Variants in IQCE observed in about 807,000 individuals in gnomAD.
The protein encoded by IQCE is IQ domain-containing protein E.
In IQCE, 115 loss-of-function variants were observed where a neutral mutation model predicts 96.0. That is an observed-to-expected ratio of 1.20 (90% confidence interval 1.03 to 1.40). The LOEUF (loss-of-function observed/expected upper bound fraction) is 1.40, where lower values mean the gene tolerates loss of function less well. IQCE is among the 40% of genes most tolerant of loss of function. The probability of loss-of-function intolerance (pLI) is 0.00; values close to 1 mark genes in which losing one functional copy is unlikely to be tolerated. For synonymous variants in IQCE, 412 were observed against 371.2 expected, an observed-to-expected ratio of 1.11 and a Z score of -1.26; for missense variants, 1,041 against 909.1, an observed-to-expected ratio of 1.15 and a Z score of -1.87.
chr7:2,568,820 TC>T, intron 2 of IQCE, 133 bp from the exon 3 acceptor site: 1 of 765,770 alleles, frequency 1.3e-6, no homozygotes, highest in Non-Finnish European at 2.2e-6. Flanking sequence ...TCCTGGACCC[TC>T]CTTACGTCCC....
intron 18 of IQCE, 138 bp downstream of exon 18, chr7:2,601,602 T>C: frequency 1.4e-6 from 1 of 722,620 alleles, no homozygotes; most frequent in South Asian, 1.5e-5. Context: ...CAGCCTGGAG[T>C]GCAGTGGTGC....
chr7:2,562,774 T>C (rs1218229931), intron 1 of IQCE, among the ~76,000 whole-genome samples: 1 of 152,130 alleles, frequency 6.6e-6, no homozygotes, highest in Non-Finnish European at 1.5e-5. Context: ...TTCTTTTACT[T>C]CCTTTGAGTT....
chr7:2,598,329 GCT>G (rs1784199220), intron 16 of IQCE, 134 bp from the exon 17 acceptor site: 2 of 827,630 alleles, frequency 2.4e-6, no homozygotes, highest in African/African-American at 3.5e-5. Context: ...GTGTGGAACA[GCT>G]CTCTCCTCCA....
chr7:2,580,617 A>C (rs946030669), intron 8 of IQCE, among the ~76,000 whole-genome samples: 3 of 152,212 alleles, frequency 2.0e-5, no homozygotes, highest in Non-Finnish European at 4.4e-5. Flanking sequence ...TGTCTCAAAA[A>C]AAAAAAAGTG....
At chr7:2,576,738 C>G (rs1583420632) in intron 6 of IQCE, among the ~76,000 whole-genome samples, 1 of 152,296 alleles carries the variant, frequency 6.6e-6, no homozygotes, top group African/African-American at 2.4e-5. Context: ...CACGTCACCA[C>G]AAATTGGTAA....
intron 17 of IQCE, 103 bp downstream of exon 17, chr7:2,598,735 GC>G: frequency 9.5e-7 from 1 of 1,052,128 alleles, no homozygotes; most frequent in Non-Finnish European, 1.3e-6. Context: ...GGCCAGCCAG[GC>G]CCCAGGTGTC....
rs973828207 is a variant in IQCE at position 2,589,937 on chromosome 7, C to A, written c.1075C>A (p.His359Asn). The change falls in exon 14 of 22, where the codon CAC (histidine) becomes AAC (asparagine). Residue 359 changes from histidine (H) to asparagine (N), a missense_variant. His to Asn is a moderately conservative substitution (Grantham distance 68). Transcript: ENST00000402050. The stretch of plus-strand genomic sequence containing the variant: ...AAGTGTGATGGAGAGCTCAAAATCA[C>A]ACGCCGCAGAGCCAGTCAGATCACA... ...KLSVMESSKSHAAEPVRSHPP... is the reference protein window; with the variant it reads ...KLSVMESSKSNAAEPVRSHPP... 6.2e-7 allele frequency: 1 copy of A among 1,613,796 alleles called. No homozygotes were observed. The highest frequency in any genetic ancestry group is 1.3e-5 in the African/African-American group (1 of 74,930).
chr7:2,589,461 G>T (rs80235007), intron 13 of IQCE, among the ~76,000 whole-genome samples: 2,428 of 152,308 alleles, frequency 0.016, 60 homozygotes, highest in African/African-American at 0.054. Context: ...ACAGTGGGCA[G>T]CACGTCCAAG....
chr7:2,603,706 C>T (rs1020952582), intron 18 of IQCE, among the ~76,000 whole-genome samples: 5 of 152,324 alleles, frequency 3.3e-5, no homozygotes, highest in Non-Finnish European at 5.9e-5. Flanking sequence ...CACACTCTGG[C>T]GGGTCGTTCA....
In IQCE at chr7:2,614,316, A is replaced by C. The variant is rs1380451847; in HGVS notation, c.*4154A>C. On this transcript the variant is annotated 3_prime_UTR_variant, in exon 22 of 22. Coordinates refer to ENST00000402050, the MANE Select transcript of IQCE (RefSeq NM_152558.5). ...GCAAAATTCCTCCTTTGGTTTTGGAAGCAGCGTTTGCTCTCCCGTGGCTCG... is the reference window on the plus strand; with the variant it reads ...GCAAAATTCCTCCTTTGGTTTTGGACGCAGCGTTTGCTCTCCCGTGGCTCG... 1.3e-5 allele frequency: 2 copies of C among 152,252 alleles called. No individual in the cohort carries two copies. The highest frequency in any genetic ancestry group is 2.9e-5 in the Non-Finnish European group (2 of 68,050). The allele number at this position is 152,252 out of a possible 1,614,324, so 9.4% of individuals were successfully genotyped here.
intron 6 of IQCE, among the ~76,000 whole-genome samples, chr7:2,575,445 G>A (rs1782047603): frequency 1.3e-5 from 2 of 152,256 alleles, no homozygotes; most frequent in Non-Finnish European, 2.9e-5. Context: ...CACCTGTACT[G>A]CTCCTGCTCA....
At chr7:2,566,475 T>TTA (rs398039522) in intron 1 of IQCE, 3 of 146,454 alleles carry the variant, frequency 2.0e-5, no homozygotes, top group South Asian at 2.2e-4. Context: ...TTTTTTTTTT[T>TTA]CCCAGCTGGG....
intron 6 of IQCE, among the ~76,000 whole-genome samples, chr7:2,575,516 C>T (rs766736016): frequency 1.2e-4 from 19 of 152,244 alleles, no homozygotes; most frequent in African/African-American, 4.1e-4. Flanking sequence ...CGACTCTGCC[C>T]GACCTCCTCT....
chr7:2,609,621 G>GT (rs1301636915), intron 21 of IQCE, among the ~76,000 whole-genome samples: 1 of 152,268 alleles, frequency 6.6e-6, no homozygotes, highest in African/African-American at 2.4e-5. Flanking sequence ...TCAGAGCTGA[G>GT]TTTGAAGGTG....
chr7:2,560,361 G>C (rs1780853734), intron 1 of IQCE, among the ~76,000 whole-genome samples: 1 of 152,254 alleles, frequency 6.6e-6, no homozygotes, highest in Non-Finnish European at 1.5e-5. Context: ...TTTTATTGGA[G>C]AAACAGAGGA....
chr7:2,571,739 A>G, intron 4 of IQCE, 85 bp downstream of exon 4: 1 of 1,362,496 alleles, frequency 7.3e-7, no homozygotes, highest in Non-Finnish European at 1.0e-6. Context: ...TGGAGTTTTT[A>G]ATATTCCTTG....
intron 6 of IQCE, 113 bp from the exon 7 acceptor site, chr7:2,578,129 C>T (rs1281420342): frequency 3.6e-5 from 27 of 756,574 alleles, no homozygotes; most frequent in Non-Finnish European, 5.6e-5. Flanking sequence ...CGCGTGGGGA[C>T]GTGTGTGCGG....
At chr7:2,597,273 G>A (rs1366716625) in intron 16 of IQCE, 1 of 387,170 alleles carries the variant, frequency 2.6e-6, no homozygotes, top group East Asian at 7.3e-5. Context: ...TCTGGAGTGT[G>A]GGGCCCAATA....
At chr7:2,605,040 G>C in intron 19 of IQCE, 49 bp downstream of exon 19, 1 of 1,311,064 alleles carries the variant, frequency 7.6e-7, no homozygotes. Context: ...AGAGCTGCTC[G>C]TCTCGCACTC....
Sources: allele counts gnomAD v4.1 joint callset (sites outside exome capture counted in the v4.1 genomes callset), GRCh38; gene constraint gnomAD v4.1.1; transcripts MANE v1.5; gene names NCBI Gene and HGNC (gene_info 2026-07-23, HGNC 2026-07-21).